FBN3: variants seen among roughly 807,000 people sequenced by gnomAD.
FBN3 encodes the protein fibrillin 3, also known as fibrillin-3.
In FBN3, 234 loss-of-function variants were observed where a neutral mutation model predicts 330.1. The observed-to-expected ratio is 0.71, with a 90% CI of 0.64 to 0.79. The LOEUF (loss-of-function observed/expected upper bound fraction) is 0.79. Among genes scored for constraint, FBN3 ranks in the 30% least tolerant of loss-of-function variants. The probability of loss-of-function intolerance (pLI) is 0.00; values close to 1 mark genes in which losing one functional copy is unlikely to be tolerated. For missense variants in FBN3, 3,606 were observed against 3,886.9 expected, an observed-to-expected ratio of 0.93 and a Z score of 1.92; for synonymous variants, 1,458 against 1,517.3, an observed-to-expected ratio of 0.96 and a Z score of 0.91.
intron 16 of FBN3, among the ~76,000 whole-genome samples, chr19:8,130,690 G>GAAAAGAA (rs1318825218): frequency 6.9e-6 from 1 of 144,306 alleles, no homozygotes; most frequent in East Asian, 2.0e-4. Flanking sequence ...GAAAAGAAAA[G>GAAAAGAA]AAAAGAAAAG....
At chr19:8,141,566 G>T in intron 8 of FBN3, 151 bp downstream of exon 8, 1 of 845,614 alleles carries the variant, frequency 1.2e-6, no homozygotes, top group Non-Finnish European at 1.8e-6. Context: ...CGGACAGGCT[G>T]AGACACTCAT....
chr19:8,123,690 C>A lies in FBN3; in HGVS notation c.2956+94G>T, dbSNP rs556544142. ...TAGTGCCTCGCCTTACCCACATCCC[C>A]TTTTCCCCCAAACACACTTCCCATC... On this transcript the variant is annotated intron_variant, in intron 23 of 63. Coordinates refer to ENST00000600128, the MANE Select transcript of FBN3 (RefSeq NM_032447.5). 58 of 1,593,592 alleles carry A rather than the reference C, an allele frequency of 3.6e-5. 1 individual carries two copies. The South Asian group carries it at 5.3e-4, about 14-fold the overall frequency.
rs1474278489 is a variant in FBN3, at chr19:8,123,832, G to A, written c.2908C>T (p.Leu970=). The A allele has an allele frequency of 1.6e-5, 26 of 1,612,948 alleles. No homozygotes were observed. Among genetic ancestry groups the A allele is most frequent in the Non-Finnish European group, 2.1e-5 (25 of 1,179,902 alleles). Residue 970 remains leucine (L), a synonymous_variant, in exon 23 of 64, where the codon CTG becomes TTG. Coordinates refer to ENST00000600128, the MANE Select transcript of FBN3 (RefSeq NM_032447.5). ...AGGAAGTCCCGGCTGGCGAAGCCCAGCCCCCGCGGGCACAGGCTGGCGAAC... is the reference window on the plus strand; with the variant it reads ...AGGAAGTCCCGGCTGGCGAAGCCCAACCCCCGCGGGCACAGGCTGGCGAAC... ...LEFASLCPRG[L]GFASRDFLSG...
intron 51 of FBN3, 78 bp from the exon 52 acceptor site, chr19:8,088,257 G>C: frequency 2.0e-6 from 3 of 1,503,116 alleles, no homozygotes; most frequent in Admixed American, 2.0e-5. Flanking sequence ...CCTGCCTGTT[G>C]ACCACCACAG....
chr19:8,132,671 T>C (rs148484738), intron 14 of FBN3, among the ~76,000 whole-genome samples: 77 of 151,886 alleles, frequency 5.1e-4, no homozygotes, highest in South Asian at 2.7e-3. Flanking sequence ...TTTGTATTTT[T>C]AGTAGAGATG....
intron 10 of FBN3, 68 bp from the exon 11 acceptor site, chr19:8,136,599 C>A: frequency 6.3e-7 from 1 of 1,595,136 alleles, no homozygotes; most frequent in Non-Finnish European, 8.6e-7. Flanking sequence ...GCCTGGGCTT[C>A]ACCTCTCTAG....
chr19:8,128,970 C>A (rs2083060131), intron 18 of FBN3, 58 bp downstream of exon 18: 1 of 1,559,422 alleles, frequency 6.4e-7, no homozygotes, highest in African/African-American at 1.4e-5. Context: ...ACGCCACATG[C>A]CAAGTATGTT....
In FBN3 at chr19:8,136,423, A is replaced by C; in HGVS notation, c.1310T>G (p.Val437Gly). ...GCCGCGCACGTCCTGGGTGTAGCCC[A>C]CGTTACACTCGCAGCGGTAGCTGGA... ...TPSSYRCECN[V>G]GYTQDVRGEC... Residue 437 changes from valine to glycine, a missense_variant, in exon 11 of 64, where the codon GTG becomes GGG. Physicochemically the swap from Val to Gly is moderately radical, Grantham distance 109. Transcript: ENST00000600128. 6.2e-7 allele frequency: 1 copy of C among 1,614,156 alleles called. No individual in the cohort carries two copies. Among genetic ancestry groups the C allele is most frequent in the South Asian group, 1.1e-5 (1 of 91,086 alleles).
rs143761835 is a variant in FBN3, at chr19:8,096,506, C to T, written c.5477G>A (p.Gly1826Asp). Residue 1826 changes from glycine to aspartate, a missense_variant, in exon 44 of 64, where the codon GGC (glycine) becomes GAC (aspartate). Physicochemically the swap from Gly to Asp is moderately conservative, Grantham distance 94. Transcript: ENST00000600128. The surrounding 1 kb of genome is among the most constrained non-coding windows in gnomAD (Gnocchi z 4.6). The stretch of plus-strand genomic sequence containing the variant: ...ACGGTGACACAGACACATGTAGCTG[C>T]CTTCTGTGTCCATGCAGTCACCATG... Reference protein sequence around the residue: ...CSHGDCMDTEGSYMCLCHRGF... With the variant: ...CSHGDCMDTEDSYMCLCHRGF... 6.8e-5 allele frequency: 109 copies of T among 1,613,862 alleles called. No individual in the cohort carries two copies. In the African/African-American group the frequency reaches 1.4e-3, roughly 20 times the overall value.
rs182451306 is a variant in FBN3, at chr19:8,090,386, C to T, written c.6032-135G>A. 3.4e-4 allele frequency: 327 copies of T among 948,770 alleles called. 1 individual carries two copies. In the African/African-American group the frequency reaches 4.9e-3, roughly 14 times the overall value. 58.8% of individuals were successfully genotyped at this position (948,770 alleles called of 1,614,324 possible). On this transcript the variant is annotated intron_variant, in intron 48 of 63. Transcript: ENST00000600128. ...AGTGGCCAATCAGAACATGCCATGC[C>T]CCTGGTCATGGTGATTGGTTTGAGT... is the stretch of plus-strand genomic sequence containing the variant.
In FBN3 at chr19:8,109,815, C is replaced by T; in HGVS notation, c.4334-62G>A. 6.9e-7 allele frequency: 1 copy of T among 1,439,950 alleles called. No individual in the cohort carries two copies. 89.2% of individuals were successfully genotyped at this position (1,439,950 alleles called of 1,614,324 possible). On this transcript the variant is annotated intron_variant, in intron 34 of 63. Coordinates refer to ENST00000600128, the MANE Select transcript of FBN3 (RefSeq NM_032447.5). This position sits in a 1 kb window ranked among gnomAD's most constrained non-coding sequence, Gnocchi z 5.2. Reference sequence around the variant, plus strand: ...CTTCCTCGGCCCCCCTCCCTCCTAGCTTCATCCTGGGAAGCTACAGCCCTC... The same window carrying T: ...CTTCCTCGGCCCCCCTCCCTCCTAGTTTCATCCTGGGAAGCTACAGCCCTC...
In FBN3 at chr19:8,106,012, G is replaced by A. The variant is rs904263632; in HGVS notation, c.4813+96C>T. 3.4e-6 allele frequency: 5 copies of A among 1,455,410 alleles called. No individual in the cohort carries two copies. In the African/African-American group the frequency reaches 5.6e-5, roughly 16 times the overall value. 90.2% of individuals were successfully genotyped at this position (1,455,410 alleles called of 1,614,324 possible). A position where few individuals can be genotyped will look rare whatever the true frequency, so the allele number is the denominator to read the frequency against. ...GCAGGGGGCAGAAGCCTTTCCATGA[G>A]GCCTTCCCTCCTCTACCCTTGTGAG... On this transcript the variant is annotated intron_variant, in intron 38 of 63. Transcript: ENST00000600128.
chr19:8,116,450 T>G (rs996496054), intron 29 of FBN3, among the ~76,000 whole-genome samples: 1 of 152,106 alleles, frequency 6.6e-6, no homozygotes, highest in Non-Finnish European at 1.5e-5. Context: ...TCTGCTTCTG[T>G]TATATAAATG....
rs946407806 is a variant in FBN3 at position 8,065,794 on chromosome 19, T to C, written c.*125A>G. ...GCCGGGCTTGCCTGAGGTTGTCGTG[T>C]AGCATTTCACTCTTCCTGAGTTTCG... is the stretch of plus-strand genomic sequence containing the variant. On this transcript the variant is annotated 3_prime_UTR_variant, in exon 64 of 64. Transcript: ENST00000600128. 4.6e-6 allele frequency: 4 copies of C among 860,926 alleles called. No individual in the cohort carries two copies. Among genetic ancestry groups the C allele is most frequent in the East Asian group, 2.7e-5 (1 of 36,364 alleles). The allele number at this position is 860,926 out of a possible 1,614,324, so 53.3% of individuals were successfully genotyped here.
chr19:8,069,046 T>C (rs1043004176), intron 63 of FBN3, among the ~76,000 whole-genome samples: 4 of 152,092 alleles, frequency 2.6e-5, no homozygotes, highest in Non-Finnish European at 5.9e-5. Flanking sequence ...GGATGGCTGG[T>C]GTTAGGAACA....
intron 62 of FBN3, 40 bp from the exon 63 acceptor site, chr19:8,072,238 G>T: frequency 6.7e-7 from 1 of 1,495,692 alleles, no homozygotes; most frequent in Non-Finnish European, 8.9e-7. Flanking sequence ...TTCAGAGGCG[G>T]GCTGATGGGA....
intron 26 of FBN3, among the ~76,000 whole-genome samples, chr19:8,117,871 C>T (rs1368436063): frequency 6.6e-6 from 1 of 152,030 alleles, no homozygotes; most frequent in Admixed American, 6.6e-5. Flanking sequence ...CCTTGACAGA[C>T]ACACACAGGC....
rs1491259143 is a variant in FBN3 at position 8,130,626 on chromosome 19, AAG to A, written c.2044+607_2044+608del. On this transcript the variant is annotated intron_variant, in intron 16 of 63. Transcript: ENST00000600128. ...AAAGAAAGAAAGAAAGAAAGAAAGA[AAG>A]AAAGAAAGAAAGAAAGGAAAGGAAA... is the stretch of plus-strand genomic sequence containing the variant. Among the ~76,000 whole-genome samples the A allele has an allele frequency of 1.2e-4, 3 of 25,324 alleles. 1 individual carries two copies. The highest frequency in any genetic ancestry group is 2.6e-4 in the Non-Finnish European group (3 of 11,574). 16.6% of individuals were successfully genotyped at this position (25,324 alleles called of 152,430 possible).
chr19:8,084,735 C>A (rs1040725163), intron 56 of FBN3, among the ~76,000 whole-genome samples: 1 of 151,740 alleles, frequency 6.6e-6, no homozygotes, highest in Non-Finnish European at 1.5e-5. Context: ...TACAGACACA[C>A]GCCACCAAAT....
Sources: gnomAD v4.1 joint callset for allele counts (sites outside exome capture counted in the v4.1 genomes callset) on GRCh38, gnomAD v4.1.1 for gene constraint, Gnocchi (gnomAD v3.1) non-coding constraint, MANE v1.5 for transcripts, NCBI Gene and HGNC (gene_info 2026-07-23, HGNC 2026-07-21) for gene names.